STAT5B: variants seen among roughly 807,000 people sequenced by gnomAD.
STAT5B encodes transcription factor STAT5B.
STAT5B carries 21 observed loss-of-function variants against 107.8 expected under a neutral mutation model. That is an observed-to-expected ratio of 0.19 (90% CI 0.14 to 0.28). The LOEUF (loss-of-function observed/expected upper bound fraction) is 0.28, where lower values mean the gene tolerates loss of function less well. Ranked by LOEUF, STAT5B falls within the 10% of genes least tolerant of loss-of-function variation. The probability of loss-of-function intolerance (pLI) is 1.00; values close to 1 mark genes in which losing one functional copy is unlikely to be tolerated. For missense variants in STAT5B, 565 were observed against 1,008.2 expected, an observed-to-expected ratio of 0.56 and a Z score of 5.95; for synonymous variants, 325 against 401.7, an observed-to-expected ratio of 0.81 and a Z score of 2.28.
At chr17:42,253,507 G>C (rs1449959458) in intron 1 of STAT5B, among the ~76,000 whole-genome samples, 1 of 152,204 alleles carries the variant, frequency 6.6e-6, no homozygotes, top group Non-Finnish European at 1.5e-5. Context: ...AAATTTGGGA[G>C]ATGTAGGGGC....
In STAT5B at chr17:42,249,592, A is replaced by G. The variant is rs145419889; in HGVS notation, c.-10-17455T>C. ...CAGTAGATATATATACAATGAATAT[A>G]TAAGTTTCTTAGATTAGACATGGAG... is the stretch of plus-strand genomic sequence containing the variant. On this transcript the variant is annotated intron_variant, in intron 1 of 18. Coordinates refer to ENST00000293328, the MANE Select transcript of STAT5B (RefSeq NM_012448.4). 3.3e-4 allele frequency among the ~76,000 whole-genome samples: 50 copies of G among 152,324 alleles called. No homozygotes were observed. In the East Asian group the frequency reaches 6.0e-3, roughly 18 times the overall value.
intron 3 of STAT5B, among the ~76,000 whole-genome samples, chr17:42,226,987 C>A (rs1306520738): frequency 6.3e-5 from 9 of 142,024 alleles, no homozygotes; most frequent in African/African-American, 2.1e-4. Flanking sequence ...AAAAAAAAAA[C>A]TGCCAGGCAT....
intron 1 of STAT5B, among the ~76,000 whole-genome samples, chr17:42,245,240 G>A (rs1355486040): frequency 6.6e-6 from 1 of 151,746 alleles, no homozygotes; most frequent in Non-Finnish European, 1.5e-5. Flanking sequence ...ACCATGCCCA[G>A]CTAATTTTTG....
chr17:42,272,075 G>A (rs2080725879), intron 1 of STAT5B: 1 of 152,028 alleles, frequency 6.6e-6, no homozygotes, highest in Non-Finnish European at 1.5e-5. Context: ...AAGAACACTT[G>A]CTTTAATCAC....
chr17:42,235,019 T>C (rs999229396), intron 1 of STAT5B: 1 of 152,210 alleles, frequency 6.6e-6, no homozygotes, highest in Non-Finnish European at 1.5e-5. Context: ...AATGAATATG[T>C]GAGTGATACC....
At chr17:42,202,155 G>T in intron 18 of STAT5B, 185 bp downstream of exon 18, 1 of 718,036 alleles carries the variant, frequency 1.4e-6, no homozygotes. Context: ...TGCCCAACCC[G>T]ACTCTAAACC....
chr17:42,210,872 G>T (rs1390754728), intron 13 of STAT5B, among the ~76,000 whole-genome samples: 1 of 152,120 alleles, frequency 6.6e-6, no homozygotes, highest in South Asian at 2.1e-4. Context: ...CCTTGGGGGT[G>T]GGGGGTGTAG....
At chr17:42,251,395 G>A (rs575814382) in intron 1 of STAT5B, among the ~76,000 whole-genome samples, 1 of 152,208 alleles carries the variant, frequency 6.6e-6, no homozygotes, top group East Asian at 1.9e-4. Flanking sequence ...TTCCTTAAGG[G>A]GCTTCCATTA....
chr17:42,276,490 C>T (rs2080768128), upstream of STAT5B: 1 of 150,098 alleles, frequency 6.7e-6, no homozygotes, highest in African/African-American at 2.4e-5. This position sits in a 1 kb window ranked among gnomAD's most constrained non-coding sequence, Gnocchi z 4.8. Context: ...GCCCCGCTTC[C>T]TGGTTCCGCC....
chr17:42,215,681 C>T (rs373472918), intron 12 of STAT5B, among the ~76,000 whole-genome samples: 10 of 152,004 alleles, frequency 6.6e-5, no homozygotes, highest in African/African-American at 2.4e-4. Flanking sequence ...TGCAGTGGTG[C>T]GATCTCGGCT....
rs2080669058 is a variant in STAT5B, at chr17:42,266,123, C to G, written c.-11+10125G>C. 2.0e-5 allele frequency among the ~76,000 whole-genome samples: 3 copies of G among 151,846 alleles called. No homozygotes were observed. The South Asian group carries it at 6.2e-4, about 31-fold the overall frequency. ...ACATATGTGTATCTATAAGATGTAT[C>G]TTCTTTTATTAGTTATTAAAGCCAC... On this transcript the variant is annotated intron_variant, in intron 1 of 18. Coordinates refer to ENST00000293328, the MANE Select transcript of STAT5B (RefSeq NM_012448.4).
rs1184267872 is a variant in STAT5B at position 42,201,098 on chromosome 17, C to T, written c.*640G>A. The T allele has an allele frequency of 2.0e-5, 8 of 404,456 alleles. No homozygotes were observed. In the East Asian group the frequency reaches 2.8e-4, roughly 14 times the overall value. The allele number at this position is 404,456 out of a possible 1,614,324, so 25.1% of individuals were successfully genotyped here. A position where few individuals can be genotyped will look rare whatever the true frequency, so the allele number is the denominator to read the frequency against. ...GATGAGCTAAATGTTTTGTGAAAAG[C>T]CACCGCCCATCCGAAAGCTTGTGAC... On this transcript the variant is annotated 3_prime_UTR_variant, in exon 19 of 19. Transcript: ENST00000293328.
chr17:42,206,274 G>C (rs189008388), intron 16 of STAT5B, among the ~76,000 whole-genome samples: 5 of 152,252 alleles, frequency 3.3e-5, no homozygotes, highest in Admixed American at 1.3e-4. Context: ...ATTTTTAGTA[G>C]AGATGGGGTT....
At chr17:42,259,829 C>T (rs2080578900) in intron 1 of STAT5B, among the ~76,000 whole-genome samples, 2 of 151,732 alleles carry the variant, frequency 1.3e-5, no homozygotes. Context: ...AGAGCAGTGG[C>T]TTCAGTTCCC....
chr17:42,213,854 A>G (rs1424861898), intron 12 of STAT5B, among the ~76,000 whole-genome samples: 1 of 145,518 alleles, frequency 6.9e-6, no homozygotes, highest in Non-Finnish European at 1.5e-5. Flanking sequence ...AACATAGCAT[A>G]AGGTCGGCTG....
chr17:42,233,959 G>T (rs1318391524), intron 1 of STAT5B: 1 of 152,168 alleles, frequency 6.6e-6, no homozygotes, highest in Non-Finnish European at 1.5e-5. Flanking sequence ...AGGGACTTCA[G>T]GTAACTCTAA....
At chr17:42,259,616 G>A (rs544087958) in intron 1 of STAT5B, among the ~76,000 whole-genome samples, 7 of 152,010 alleles carry the variant, frequency 4.6e-5, no homozygotes, top group East Asian at 1.9e-4. Context: ...GCGAAACCCC[G>A]TATCTACTAA....
intron 9 of STAT5B, chr17:42,217,738 G>T (rs959276576): frequency 1.2e-5 from 6 of 490,708 alleles, no homozygotes; most frequent in Non-Finnish European, 2.2e-5. Context: ...GCCCAGGCTG[G>T]AGTGCAGTGG....
At chr17:42,230,667 G>T (rs934150638) in intron 2 of STAT5B, among the ~76,000 whole-genome samples, 18 of 144,002 alleles carry the variant, frequency 1.2e-4, no homozygotes, top group South Asian at 6.6e-4. Context: ...GTTTAGTTTT[G>T]TTTTTTTTTT....
Sources: gnomAD v4.1 joint callset for allele counts (sites outside exome capture counted in the v4.1 genomes callset) on GRCh38, gnomAD v4.1.1 for gene constraint, Gnocchi (gnomAD v3.1) non-coding constraint, MANE v1.5 for transcripts, NCBI Gene and HGNC (gene_info 2026-07-23, HGNC 2026-07-21) for gene names.